The following DAB1 variants were observed in gnomAD, a reference collection of about 807,000 sequenced individuals.
The protein encoded by DAB1 is disabled homolog 1.
In DAB1, 15 loss-of-function variants were observed where a neutral mutation model predicts 64.6. The observed-to-expected ratio is 0.23, with a 90% CI of 0.16 to 0.36. The LOEUF (loss-of-function observed/expected upper bound fraction) is 0.36. Ranked by LOEUF, DAB1 falls within the 10% of genes least tolerant of loss-of-function variation. DAB1 has a pLI of 1.00. For missense variants in DAB1, 596 were observed against 706.7 expected (o/e 0.84, Z 1.78); for synonymous variants, 235 against 251.9 (o/e 0.93, Z 0.64).
chr1:57,332,557 C>T (rs1295104202), intron 1 of DAB1, among the ~76,000 whole-genome samples: 2 of 152,144 alleles, frequency 1.3e-5, no homozygotes, highest in Non-Finnish European at 2.9e-5. Flanking sequence ...CTTCAGAAAC[C>T]CCAAGGTTCA....
chr1:57,582,571 G>C (rs1293597206), intron 7 of DAB1, among the ~76,000 whole-genome samples: 1 of 152,188 alleles, frequency 6.6e-6, no homozygotes, highest in Non-Finnish European at 1.5e-5. Context: ...GGAACAGGAG[G>C]ATACACAAAC....
intron 6 of DAB1, among the ~76,000 whole-genome samples, chr1:57,761,548 G>C (rs1263065689): frequency 2.6e-5 from 4 of 152,186 alleles, no homozygotes; most frequent in Non-Finnish European, 5.9e-5. Context: ...TCTACCCCAA[G>C]GCTTTCCCAG....
chr1:57,049,475 A>AAAAAAAAAAG (rs1168729578), intron 9 of DAB1, among the ~76,000 whole-genome samples: 2 of 142,816 alleles, frequency 1.4e-5, no homozygotes, highest in African/African-American at 5.0e-5. Context: ...AAAAAAAAAA[A>AAAAAAAAAAG]AAGAAGTTAG....
intron 4 of DAB1, among the ~76,000 whole-genome samples, chr1:58,306,453 C>CCAATT (rs1662308884): frequency 6.6e-6 from 1 of 152,168 alleles, no homozygotes; most frequent in African/African-American, 2.4e-5. Flanking sequence ...TAGACAAATG[C>CCAATT]TGTCCAATTC....
At chr1:58,506,137 G>A in exon 3 of DAB1, 2 of 871,842 alleles carry the variant, frequency 2.3e-6, no homozygotes, top group Non-Finnish European at 4.0e-6. Context: ...GGCATCTTGG[G>A]TTGGCCATGC....
intron 4 of DAB1, among the ~76,000 whole-genome samples, chr1:58,232,092 T>G (rs1439510534): frequency 6.6e-6 from 1 of 152,228 alleles, no homozygotes; most frequent in Non-Finnish European, 1.5e-5. Flanking sequence ...ACTCACGGCT[T>G]CTGACCAGTA....
intron 4 of DAB1, among the ~76,000 whole-genome samples, chr1:58,296,414 A>G (rs987181160): frequency 6.6e-6 from 1 of 152,170 alleles, no homozygotes; most frequent in African/African-American, 2.4e-5. Context: ...CAGAAACATC[A>G]AACATCAAAC....
At chr1:57,450,444 T>C (rs1686307789) in intron 7 of DAB1, among the ~76,000 whole-genome samples, 1 of 152,236 alleles carries the variant, frequency 6.6e-6, no homozygotes, top group South Asian at 2.1e-4. Flanking sequence ...TGGTTTCTTC[T>C]TTAGGCTCTA....
chr1:57,113,578 T>C (rs1455479417), intron 4 of DAB1, among the ~76,000 whole-genome samples: 1 of 152,252 alleles, frequency 6.6e-6, no homozygotes, highest in African/African-American at 2.4e-5. Context: ...AGTGTGATTG[T>C]ATTGCCATGA....
chr1:57,871,752 T>C (rs1030027255), intron 1 of DAB1, among the ~76,000 whole-genome samples: 1 of 152,200 alleles, frequency 6.6e-6, no homozygotes, highest in Non-Finnish European at 1.5e-5. Flanking sequence ...CAGAATTTTA[T>C]AGAATCCTTC....
At chr1:57,151,736 A>G (rs540982886) in intron 2 of DAB1, among the ~76,000 whole-genome samples, 11 of 151,666 alleles carry the variant, frequency 7.3e-5, no homozygotes, top group African/African-American at 2.2e-4. Context: ...GTAATAATAT[A>G]TTTCAAAGAT....
intron 3 of DAB1, among the ~76,000 whole-genome samples, chr1:58,458,029 T>C (rs944238001): frequency 6.6e-6 from 1 of 152,246 alleles, no homozygotes; most frequent in African/African-American, 2.4e-5. Context: ...CTGTACTAAG[T>C]GCTGAATATG....
At chr1:57,205,777 G>C (rs1043668873) in intron 2 of DAB1, among the ~76,000 whole-genome samples, 3 of 152,106 alleles carry the variant, frequency 2.0e-5, no homozygotes, top group African/African-American at 7.2e-5. Context: ...TTTTTTACTA[G>C]GGCTTACATC....
intron 6 of DAB1, among the ~76,000 whole-genome samples, chr1:57,790,418 T>C (rs1650540315): frequency 6.6e-6 from 1 of 152,158 alleles, no homozygotes; most frequent in Non-Finnish European, 1.5e-5. Flanking sequence ...TCCCCAGCCC[T>C]GCAGAACTGT....
intron 3 of DAB1, among the ~76,000 whole-genome samples, chr1:58,381,649 C>T (rs1019084895): frequency 6.6e-6 from 1 of 152,194 alleles, no homozygotes; most frequent in African/African-American, 2.4e-5. Flanking sequence ...ATTAAGAATG[C>T]TTCCAAGGTT....
intron 4 of DAB1, among the ~76,000 whole-genome samples, chr1:58,212,656 C>T (rs900177039): frequency 6.6e-6 from 1 of 152,162 alleles, no homozygotes; most frequent in Non-Finnish European, 1.5e-5. Flanking sequence ...GTGGGGGAAA[C>T]TTAAACTCAT....
chr1:57,933,081 T>C (rs1202769), intron 5 of DAB1, among the ~76,000 whole-genome samples: 89,789 of 152,064 alleles, frequency 0.59, 27,072 homozygotes, highest in African/African-American at 0.67. Flanking sequence ...CCAGGCAGAG[T>C]TATTAGAGAT....
At position 57,569,264 on chromosome 1, in the gene DAB1, A is replaced by AAAAG. The variant is rs1645164288; in HGVS notation, n.625+80327_625+80328insCTTT. Among the ~76,000 whole-genome samples, 3 of 149,400 alleles carry AAAAG rather than the reference A, an allele frequency of 2.0e-5. 1 individual carries two copies. In the South Asian group the frequency reaches 6.4e-4, roughly 32 times the overall value. ...ACAGCGAGACTCCGTCTCAAAAAAA[A>AAAAG]AAAAAAAAAAGACACATGCACACGT... On this transcript the variant is annotated intron_variant and non_coding_transcript_variant, in intron 7 of 20. Coordinates refer to the DAB1 transcript ENST00000485760.
In DAB1 at chr1:57,016,344, G is replaced by T. The variant is rs1323236621; in HGVS notation, c.896-913C>A. 2.0e-5 allele frequency among the ~76,000 whole-genome samples: 3 copies of T among 152,084 alleles called. No homozygotes were observed. The South Asian group carries it at 6.2e-4, about 32-fold the overall frequency. ...TGCTTGTAATCCTAGCACTTTGGGA[G>T]GTCCAGGTGGGAGGATTGCTTGAGG... On this transcript the variant is annotated intron_variant, in intron 11 of 14. Coordinates refer to ENST00000371236, the MANE Select transcript of DAB1 (RefSeq NM_001365792.1).
Sources: allele counts gnomAD v4.1 joint callset (sites outside exome capture counted in the v4.1 genomes callset), GRCh38; gene constraint gnomAD v4.1.1; transcripts MANE v1.5; gene names NCBI Gene and HGNC (gene_info 2026-07-23, HGNC 2026-07-21).